Variants in PTPRN2 observed in about 807,000 individuals in gnomAD.
PTPRN2 encodes the protein protein tyrosine phosphatase receptor type N2.
PTPRN2 carries 74 observed loss-of-function variants against 118.8 expected under a neutral mutation model. That is an observed-to-expected ratio of 0.62 (90% CI 0.52 to 0.76). PTPRN2 has a LOEUF of 0.76. PTPRN2 is among the 30% of genes least tolerant of loss of function. PTPRN2 has a pLI of 0.00. For missense variants in PTPRN2, 1,481 were observed against 1,394.4 expected (o/e 1.06, Z -0.99); for synonymous variants, 641 against 608.0 (o/e 1.05, Z -0.80).
chr7:157,760,626 G>C (rs1333060586), intron 12 of PTPRN2, among the ~76,000 whole-genome samples: 1 of 151,988 alleles, frequency 6.6e-6, no homozygotes, highest in African/African-American at 2.4e-5. Flanking sequence ...GCCAGATCCA[G>C]CCTCACCCCA....
At chr7:158,414,761 G>C (rs529990035) in intron 2 of PTPRN2, among the ~76,000 whole-genome samples, 6 of 152,220 alleles carry the variant, frequency 3.9e-5, no homozygotes, top group Admixed American at 6.5e-5. Flanking sequence ...GAGCTGTGTT[G>C]AAAGTGGGGG....
intron 14 of PTPRN2, among the ~76,000 whole-genome samples, chr7:157,628,187 C>A (rs1188754407): frequency 6.6e-6 from 1 of 152,178 alleles, no homozygotes; most frequent in Non-Finnish European, 1.5e-5. Flanking sequence ...ATACACAGAA[C>A]CCCAAAATTT....
chr7:158,395,041 C>T (rs1020253388), intron 2 of PTPRN2, among the ~76,000 whole-genome samples: 13 of 152,196 alleles, frequency 8.5e-5, no homozygotes, highest in Admixed American at 8.5e-4. Flanking sequence ...TTCGGCTCCT[C>T]TACCTGCCTG....
rs1444231882 is a variant in PTPRN2, at chr7:157,610,848, T to C, written c.2345-6773A>G. On this transcript the variant is annotated intron_variant, in intron 15 of 22. Coordinates refer to ENST00000389418, the MANE Select transcript of PTPRN2 (RefSeq NM_002847.5). This position sits in a 1 kb window ranked among gnomAD's most constrained non-coding sequence, Gnocchi z 5.1. ...CAGGCAGACATTCTGCTTCCAACTA[T>C]GCCTTTGGGAAATGCTCAGCTCAAG... 2.0e-5 allele frequency among the ~76,000 whole-genome samples: 3 copies of C among 152,210 alleles called. No individual in the cohort carries two copies. Among genetic ancestry groups the C allele is most frequent in the Admixed American group, 6.5e-5 (1 of 15,286 alleles).
Position 157,831,274 on chromosome 7 carries a change from C to T in PTPRN2, c.1788+67399G>A, listed in dbSNP as rs775080592. Among the ~76,000 whole-genome samples the T allele has an allele frequency of 2.6e-5, 4 of 152,190 alleles. No individual in the cohort carries two copies. The highest frequency in any genetic ancestry group is 7.2e-5 in the African/African-American group (3 of 41,450). ...CCCCCATGGTGCAGGCCTGTCCCAGCGACCTGTAGCCTCATCCAGCACTGC... is the reference window on the plus strand; with the variant it reads ...CCCCCATGGTGCAGGCCTGTCCCAGTGACCTGTAGCCTCATCCAGCACTGC... On this transcript the variant is annotated intron_variant, in intron 12 of 22. Coordinates refer to ENST00000389418, the MANE Select transcript of PTPRN2 (RefSeq NM_002847.5). The surrounding 1 kb of genome is among the most constrained non-coding windows in gnomAD (Gnocchi z 4.8).
chr7:157,835,416 G>C (rs1807862199), intron 12 of PTPRN2, among the ~76,000 whole-genome samples: 2 of 152,214 alleles, frequency 1.3e-5, no homozygotes, highest in African/African-American at 4.8e-5. Flanking sequence ...TGAGGCGGCA[G>C]AGCAGAACTG....
chr7:158,340,480 C>A (rs1806491477), intron 2 of PTPRN2, among the ~76,000 whole-genome samples: 1 of 115,456 alleles, frequency 8.7e-6, no homozygotes, highest in African/African-American at 3.1e-5. Context: ...CACACTCTCA[C>A]CATAATAGGT....
chr7:157,819,383 C>T (rs1372013274), intron 12 of PTPRN2, among the ~76,000 whole-genome samples: 1 of 152,208 alleles, frequency 6.6e-6, no homozygotes, highest in African/African-American at 2.4e-5. Flanking sequence ...TGAGCCCATC[C>T]GTCAGCGTCA....
intron 17 of PTPRN2, among the ~76,000 whole-genome samples, chr7:157,582,085 T>G (rs1054913958): frequency 1.3e-5 from 2 of 152,224 alleles, no homozygotes; most frequent in Non-Finnish European, 1.5e-5. Flanking sequence ...GATGCCCTCC[T>G]GTTGTTTTAA....
chr7:158,083,114 A>T (rs1421424150), intron 10 of PTPRN2, among the ~76,000 whole-genome samples: 1 of 152,200 alleles, frequency 6.6e-6, no homozygotes, highest in South Asian at 2.1e-4. Flanking sequence ...ACAGTCTTCC[A>T]GAAGGGCCCT....
At chr7:157,978,681 T>G (rs73520868) in intron 11 of PTPRN2, among the ~76,000 whole-genome samples, 235 of 152,072 alleles carry the variant, frequency 1.5e-3, no homozygotes, top group African/African-American at 5.2e-3. Flanking sequence ...CCAGTGATGA[T>G]TCTTTCTGAA....
At chr7:157,862,240 C>T (rs962187763) in intron 12 of PTPRN2, among the ~76,000 whole-genome samples, 1 of 152,256 alleles carries the variant, frequency 6.6e-6, no homozygotes, top group Non-Finnish European at 1.5e-5. Flanking sequence ...CCTATGTCCA[C>T]GGAAGGTCCC....
At chr7:157,747,615 T>C (rs1482901301) in intron 12 of PTPRN2, among the ~76,000 whole-genome samples, 1 of 130,148 alleles carries the variant, frequency 7.7e-6, no homozygotes, top group Non-Finnish European at 1.6e-5. Flanking sequence ...TTCTGAGGCC[T>C]GCGTCTCTGA....
intron 12 of PTPRN2, among the ~76,000 whole-genome samples, chr7:157,781,763 G>A (rs9647686): frequency 0.089 from 13,520 of 152,214 alleles, 754 homozygotes; most frequent in Middle Eastern, 0.15. Context: ...TACCCAAAAC[G>A]TATATTACTT....
chr7:158,317,610 A>C (rs1397542463), intron 2 of PTPRN2, among the ~76,000 whole-genome samples: 9 of 152,232 alleles, frequency 5.9e-5, no homozygotes, highest in Non-Finnish European at 1.5e-5. Context: ...ACTTTGAGAC[A>C]AGCTTCCTGT....
chr7:158,269,353 C>T (rs1371760524), intron 3 of PTPRN2, among the ~76,000 whole-genome samples: 6 of 152,316 alleles, frequency 3.9e-5, no homozygotes, highest in East Asian at 1.9e-4. Flanking sequence ...TCAGGAGGCG[C>T]GGCCATCCCC....
intron 12 of PTPRN2, among the ~76,000 whole-genome samples, chr7:157,713,788 C>T (rs1158123480): frequency 2.6e-5 from 4 of 152,216 alleles, no homozygotes; most frequent in African/African-American, 4.8e-5. Context: ...CACGGAGCCA[C>T]AGAACTGGTC....
At chr7:157,982,316 T>C (rs13236258) in intron 11 of PTPRN2, among the ~76,000 whole-genome samples, 163 of 3,934 alleles carry the variant, frequency 0.041, 4 homozygotes, top group Non-Finnish European at 0.048. Flanking sequence ...CCCTGAGTCA[T>C]AGAGCCAAGG....
In PTPRN2 at chr7:157,964,856, CCGCACAGACT is replaced by C. The variant is rs1450093656; in HGVS notation, c.1724-66129_1724-66120del. On this transcript the variant is annotated intron_variant, in intron 11 of 22. Coordinates refer to ENST00000389418, the MANE Select transcript of PTPRN2 (RefSeq NM_002847.5). This position sits in a 1 kb window ranked among gnomAD's most constrained non-coding sequence, Gnocchi z 9.0. ...TCCTCCTCTTGCCCCAATTTCTCCACCGCACAGACTCGCCAGGGCTTTGGTTTGTGAGTGC... is the reference window on the plus strand; with the variant it reads ...TCCTCCTCTTGCCCCAATTTCTCCACCGCCAGGGCTTTGGTTTGTGAGTGC... 6.6e-6 allele frequency among the ~76,000 whole-genome samples: 1 copy of C among 152,226 alleles called. No individual in the cohort carries two copies. Among genetic ancestry groups the C allele is most frequent in the Non-Finnish European group, 1.5e-5 (1 of 68,046 alleles).
Sources: allele counts gnomAD v4.1 joint callset (sites outside exome capture counted in the v4.1 genomes callset), GRCh38; gene constraint gnomAD v4.1.1; non-coding constraint Gnocchi (gnomAD v3.1); transcripts MANE v1.5; gene names NCBI Gene and HGNC (gene_info 2026-07-23, HGNC 2026-07-21).